CYP2W1: variants seen among roughly 807,000 people sequenced by gnomAD.
CYP2W1 encodes cytochrome P450 family 2 subfamily W member 1, also known as cytochrome P450 2W1.
In CYP2W1, 51 loss-of-function variants were observed where a neutral mutation model predicts 44.9. The ratio of observed to expected loss-of-function variants is 1.14; its 90% CI spans 0.91 to 1.43. The LOEUF (loss-of-function observed/expected upper bound fraction) is 1.43, where lower values mean the gene tolerates loss of function less well. Ranked by LOEUF, CYP2W1 falls within the 40% of genes most tolerant of loss-of-function variation. The pLI, the probability that CYP2W1 is intolerant of heterozygous loss-of-function variation, is 0.00. For synonymous variants in CYP2W1, 383 were observed against 338.3 expected, an observed-to-expected ratio of 1.13 and a Z score of -1.45; for missense variants, 746 against 700.0, an observed-to-expected ratio of 1.07 and a Z score of -0.74.
intron 1 of CYP2W1, among the ~76,000 whole-genome samples, chr7:984,108 A>C (rs552405021): frequency 3.0e-4 from 46 of 152,286 alleles, no homozygotes; most frequent in Admixed American, 1.9e-3. Context: ...ACCCCAGCAG[A>C]CAGCCAGCCC....
Position 987,492 on chromosome 7 carries a change from C to T in CYP2W1, c.1104C>T (p.Thr368=), listed in dbSNP as rs539008687. The change falls in exon 7 of 9, where the codon ACC becomes ACT. Residue 368 remains threonine, a synonymous_variant. Transcript: ENST00000308919. ...ITLLPHVPRC[T]AADTQLGGFL... ...TCCTGCCGCACGTGCCCCGCTGCAC[C>T]GCGGCCGACACACAGCTGGGCGGCT... is the stretch of plus-strand genomic sequence containing the variant. The T allele has an allele frequency of 3.5e-4, 549 of 1,547,038 alleles. 9 individuals carry two copies. The South Asian group carries it at 4.3e-3, about 12-fold the overall frequency.
In CYP2W1 at chr7:988,897, C is replaced by A; in HGVS notation, c.*75C>A. On this transcript the variant is annotated 3_prime_UTR_variant, in exon 9 of 9. Transcript: ENST00000308919. ...GGTCCTCCCACCCTCTCTCCTCCCA[C>A]CCCACAGCTCGGACTGCTCTGGGAG... is the stretch of plus-strand genomic sequence containing the variant. 1.1e-6 allele frequency: 1 copy of A among 949,622 alleles called. No homozygotes were observed. The highest frequency in any genetic ancestry group is 1.5e-6 in the Non-Finnish European group (1 of 646,232). The allele number at this position is 949,622 out of a possible 1,614,324, so 58.8% of individuals were successfully genotyped here. A position where few individuals can be genotyped will look rare whatever the true frequency, so the allele number is the denominator to read the frequency against.
chr7:986,346 C>T (rs923916460), intron 4 of CYP2W1: 20 of 511,612 alleles, frequency 3.9e-5, no homozygotes, highest in African/African-American at 2.5e-4. Context: ...AGGTTACTTC[C>T]ACTGTGGCAG....
chr7:983,257 G>T lies in CYP2W1; in HGVS notation c.46G>T (p.Gly16Trp). 1 of 1,540,666 alleles carries T rather than the reference G, an allele frequency of 6.5e-7. No homozygotes were observed. The highest frequency in any genetic ancestry group is 8.8e-7 in the Non-Finnish European group (1 of 1,141,896). ...LLFLGLLGLWGLLCACAQDPS... is the reference protein window; with the variant it reads ...LLFLGLLGLWWLLCACAQDPS... ...GTTCCTGGGCCTCCTGGGGCTCTGGGGGCTGCTCTGCGCCTGCGCCCAAGA... is the reference window on the plus strand; with the variant it reads ...GTTCCTGGGCCTCCTGGGGCTCTGGTGGCTGCTCTGCGCCTGCGCCCAAGA... The change falls in exon 1 of 9, where the codon GGG becomes TGG. Residue 16 changes from glycine to tryptophan, a missense_variant. Physicochemically the swap from Gly to Trp is radical, Grantham distance 184. Coordinates refer to ENST00000308919, the MANE Select transcript of CYP2W1 (RefSeq NM_017781.3).
Position 983,439 on chromosome 7 carries a change from G to T in CYP2W1, c.174+54G>T, listed in dbSNP as rs1402513051. On this transcript the variant is annotated intron_variant, in intron 1 of 8. Transcript: ENST00000308919. ...CCGCTTGGACAGCTGCCGTGTCCTG[G>T]CCCCCCTCCTGGGGAAGCCCAGCCC... 6 of 1,372,896 alleles carry T rather than the reference G, an allele frequency of 4.4e-6. No homozygotes were observed. The Admixed American group carries it at 1.1e-4, about 26-fold the overall frequency. The allele number at this position is 1,372,896 out of a possible 1,614,324, so 85.0% of individuals were successfully genotyped here.
At position 986,651 on chromosome 7, in the gene CYP2W1, G is replaced by GC. The variant is rs1299323272; in HGVS notation, c.676dup (p.Leu226ProfsTer51). ...GTTCAACGTCTACCCATGGCTCGGG[G>GC]CCCTGCTCCAGCTGCACCGGCCCGT... is the stretch of plus-strand genomic sequence containing the variant. On this transcript the variant is annotated frameshift_variant, in exon 5 of 9. Coordinates refer to ENST00000308919, the MANE Select transcript of CYP2W1 (RefSeq NM_017781.3). LOFTEE classifies it high-confidence loss of function. 6.2e-7 allele frequency: 1 copy of GC among 1,612,604 alleles called. No individual in the cohort carries two copies. The highest frequency in any genetic ancestry group is 8.5e-7 in the Non-Finnish European group (1 of 1,179,908).
At chr7:983,680 C>T (rs1256129962) in intron 1 of CYP2W1, among the ~76,000 whole-genome samples, 1 of 152,246 alleles carries the variant, frequency 6.6e-6, no homozygotes, top group South Asian at 2.1e-4. Context: ...TGAGAGCCCG[C>T]AGGAGGCCAG....
At chr7:985,376 G>A (rs914075535) in intron 4 of CYP2W1, 53 bp downstream of exon 4, 15 of 1,526,602 alleles carry the variant, frequency 9.8e-6, no homozygotes, top group Admixed American at 4.0e-5. Flanking sequence ...AGTGATGGGC[G>A]TGCAGCAGGA....
At position 989,234 on chromosome 7, in the gene CYP2W1, CA is replaced by C. The variant is rs577289586; in HGVS notation, c.*413del. 3.9e-4 allele frequency: 81 copies of C among 205,766 alleles called. 1 individual carries two copies. In the South Asian group the frequency reaches 0.012, roughly 30 times the overall value. The allele number at this position is 205,766 out of a possible 1,614,324, so 12.7% of individuals were successfully genotyped here. The stretch of plus-strand genomic sequence containing the variant: ...GGGTGTCCTCAGCGTGCGAGCCCTG[CA>C]CCCCCCAGGTCCTGGGACTCCTGCA... On this transcript the variant is annotated 3_prime_UTR_variant, in exon 9 of 9. Transcript: ENST00000308919.
chr7:984,860 CCT>C (rs1165048552), intron 2 of CYP2W1, 88 bp from the exon 3 acceptor site: 11 of 1,478,660 alleles, frequency 7.4e-6, no homozygotes, highest in Non-Finnish European at 5.4e-6. Context: ...GTCTCGCTGC[CCT>C]GTCAGCCTGC....
intron 5 of CYP2W1, 107 bp from the exon 6 acceptor site, chr7:987,000 G>C: frequency 7.1e-7 from 1 of 1,398,614 alleles, no homozygotes; most frequent in Non-Finnish European, 9.4e-7. Context: ...GGATGGCTGA[G>C]CCCAGATCAC....
chr7:984,335 A>C, intron 1 of CYP2W1, 77 bp from the exon 2 acceptor site: 1 of 1,496,554 alleles, frequency 6.7e-7, no homozygotes, highest in Non-Finnish European at 8.9e-7. Flanking sequence ...CCTACCCAGC[A>C]CAGGCCCGGC....
At position 985,152 on chromosome 7, in the gene CYP2W1, C is replaced by T. The variant is rs762396215; in HGVS notation, c.488-14C>T. 2.6e-5 allele frequency: 42 copies of T among 1,593,248 alleles called. No individual in the cohort carries two copies. The highest frequency in any genetic ancestry group is 6.7e-5 in the South Asian group (6 of 88,898). ...CCCGGGCCTGGACGTGCCTGAGGCCCGTCTCCCTCGCAGGCCGGCCCTTCC... is the reference window on the plus strand; with the variant it reads ...CCCGGGCCTGGACGTGCCTGAGGCCTGTCTCCCTCGCAGGCCGGCCCTTCC... On this transcript the variant is annotated splice_polypyrimidine_tract_variant and intron_variant, in intron 3 of 8. Coordinates refer to ENST00000308919, the MANE Select transcript of CYP2W1 (RefSeq NM_017781.3).
intron 6 of CYP2W1, 35 bp from the exon 7 acceptor site, chr7:987,312 G>A (rs1160733012): frequency 6.5e-7 from 1 of 1,536,942 alleles, no homozygotes; most frequent in Admixed American, 1.8e-5. Context: ...ACGAGGGATG[G>A]CGCTGCCACC....
chr7:987,719 T>C (rs1848477386), intron 7 of CYP2W1, among the ~76,000 whole-genome samples, 188 bp downstream of exon 7: 1 of 152,186 alleles, frequency 6.6e-6, no homozygotes, highest in Non-Finnish European at 1.5e-5. Flanking sequence ...GCCCAGCACT[T>C]GGCCTGGCCA....
In CYP2W1 at chr7:987,519, C is replaced by A; in HGVS notation, c.1131C>A (p.Phe377Leu). The A allele has an allele frequency of 6.5e-7, 1 of 1,527,504 alleles. No individual in the cohort carries two copies. Among genetic ancestry groups the A allele is most frequent in the Non-Finnish European group, 8.8e-7 (1 of 1,139,286 alleles). 94.6% of individuals were successfully genotyped at this position (1,527,504 alleles called of 1,614,324 possible). ...CGGCCGACACACAGCTGGGCGGCTT[C>A]CTGCTCCCCAAGGTGGGGCTGGGCC... ...CTAADTQLGG[F>L]LLPKGTPVIP... is the part of the protein sequence containing the mutation. Residue 377 changes from phenylalanine (F) to leucine (L), a missense_variant, in exon 7 of 9, where the codon TTC becomes TTA. Transcript: ENST00000308919.
In CYP2W1 at chr7:988,748, C is replaced by G; in HGVS notation, c.1399C>G (p.Leu467Val). ...LPPPGVSPAS[L>V]DTTPARAFTM... is the part of the protein sequence containing the mutation. ...CCCGCCTGGCGTCAGTCCGGCCTCC[C>G]TGGACACCACGCCCGCCCGGGCTTT... The change falls in exon 9 of 9, where the codon CTG (leucine) becomes GTG (valine). Residue 467 changes from leucine (L) to valine (V), a missense_variant. By Grantham distance (32) the Leu-to-Val change is conservative. Coordinates refer to ENST00000308919, the MANE Select transcript of CYP2W1 (RefSeq NM_017781.3). The G allele has an allele frequency of 6.3e-7, 1 of 1,599,294 alleles. No homozygotes were observed. Among genetic ancestry groups the G allele is most frequent in the Non-Finnish European group, 8.5e-7 (1 of 1,179,444 alleles).
rs1412449999 is a variant in CYP2W1 at position 983,279 on chromosome 7, AAGACCCCTCCCC to A, written c.71_82del (p.Asp24_Pro27del). ...TGGGGGCTGCTCTGCGCCTGCGCCC[AAGACCCCTCCCC>A]AGCTGCCCGGTGGCCCCCGGGGCCT... On this transcript the variant is annotated inframe_deletion, in exon 1 of 9. Transcript: ENST00000308919. 5 of 1,544,136 alleles carry A rather than the reference AAGACCCCTCCCC, an allele frequency of 3.2e-6. No homozygotes were observed. Among genetic ancestry groups the A allele is most frequent in the Non-Finnish European group, 4.4e-6 (5 of 1,145,358 alleles).
Position 986,612 on chromosome 7 carries a change from C to T in CYP2W1, c.646-12C>T. Reference sequence around the variant, plus strand: ...TGCGTCCTTATCTCCGCTCCTCCTGCCTCCTGCCCAGCTGTTCAACGTCTA... The same window carrying T: ...TGCGTCCTTATCTCCGCTCCTCCTGTCTCCTGCCCAGCTGTTCAACGTCTA... On this transcript the variant is annotated splice_polypyrimidine_tract_variant and intron_variant, in intron 4 of 8. Transcript: ENST00000308919. 2 of 1,612,364 alleles carry T rather than the reference C, an allele frequency of 1.2e-6. No individual in the cohort carries two copies. The highest frequency in any genetic ancestry group is 1.7e-6 in the Non-Finnish European group (2 of 1,179,736).
Sources: allele counts gnomAD v4.1 joint callset (sites outside exome capture counted in the v4.1 genomes callset), GRCh38; gene constraint gnomAD v4.1.1; transcripts MANE v1.5; gene names NCBI Gene and HGNC (gene_info 2026-07-23, HGNC 2026-07-21).